Variants in RGS7BP observed in about 807,000 individuals in gnomAD.
RGS7BP encodes regulator of G protein signaling 7-binding protein.
RGS7BP carries 9 observed loss-of-function variants against 31.3 expected under a neutral mutation model. The observed-to-expected ratio is 0.29, with a 90% CI of 0.17 to 0.50. The LOEUF is 0.50. Ranked by LOEUF, RGS7BP falls within the 20% of genes least tolerant of loss-of-function variation. The probability of loss-of-function intolerance (pLI) is 0.98; values close to 1 mark genes in which losing one functional copy is unlikely to be tolerated. For synonymous variants in RGS7BP, 115 were observed against 120.1 expected, an observed-to-expected ratio of 0.96 and a Z score of 0.28; for missense variants, 274 against 322.0, an observed-to-expected ratio of 0.85 and a Z score of 1.14.
intron 3 of RGS7BP, 103 bp downstream of exon 3, chr5:64,576,007 A>G: frequency 1.0e-6 from 1 of 961,956 alleles, no homozygotes; most frequent in Non-Finnish European, 1.5e-6. Context: ...ATCTATATGC[A>G]ATTACGATGA....
chr5:64,510,740 C>T (rs748410649), intron 2 of RGS7BP, among the ~76,000 whole-genome samples: 13 of 152,114 alleles, frequency 8.5e-5, no homozygotes, highest in African/African-American at 2.7e-4. Flanking sequence ...TCATCATCAC[C>T]GTGATTAACA....
chr5:64,590,269 G>A (rs950637781), intron 3 of RGS7BP, among the ~76,000 whole-genome samples: 11 of 151,562 alleles, frequency 7.3e-5, no homozygotes, highest in South Asian at 2.1e-4. Context: ...ATCTATTTTC[G>A]GTCATATAAA....
chr5:64,608,203 T>C (rs909452887), intron 5 of RGS7BP, among the ~76,000 whole-genome samples: 4 of 152,196 alleles, frequency 2.6e-5, no homozygotes, highest in Admixed American at 6.6e-5. Flanking sequence ...TGGAAAATTC[T>C]AGATTATCCC....
Position 64,506,727 on chromosome 5 carries a change from C to T in RGS7BP, c.103C>T (p.Arg35Cys), listed in dbSNP as rs771054378. Residue 35 changes from arginine to cysteine, a missense_variant, in exon 1 of 6, where the codon CGC (arginine) becomes TGC (cysteine). Physicochemically the swap from Arg to Cys is radical, Grantham distance 180. Around this residue, in one of 3 missense-constraint regions of RGS7BP, gnomAD observed 149 missense variants for 152.6 expected, o/e 0.98. Coordinates refer to ENST00000334025, the MANE Select transcript of RGS7BP (RefSeq NM_001029875.3). This position sits in a 1 kb window ranked among gnomAD's most constrained non-coding sequence, Gnocchi z 4.6. The part of the protein sequence containing the change: ...KPPLQSGDWE[R>C]RGSGSESAHK... ...CCCGCTGCAGAGCGGAGATTGGGAG[C>T]GCAGGGGCAGCGGCTCCGAGAGCGC... is the stretch of plus-strand genomic sequence containing the variant. The T allele has an allele frequency of 3.1e-6, 5 of 1,608,166 alleles. No homozygotes were observed. Among genetic ancestry groups the T allele is most frequent in the Non-Finnish European group, 4.3e-6 (5 of 1,175,232 alleles).
At chr5:64,558,021 C>A (rs1392854201) in intron 2 of RGS7BP, among the ~76,000 whole-genome samples, 4 of 152,082 alleles carry the variant, frequency 2.6e-5, no homozygotes, top group Admixed American at 2.6e-4. Flanking sequence ...TCTGAATGCA[C>A]ACCCTCCAGG....
intron 2 of RGS7BP, among the ~76,000 whole-genome samples, chr5:64,533,333 C>T (rs1749420447): frequency 6.6e-6 from 1 of 152,176 alleles, no homozygotes; most frequent in African/African-American, 2.4e-5. Flanking sequence ...GCTTTGAAGA[C>T]TCTAATGCTA....
chr5:64,603,818 G>T (rs1482794997), intron 5 of RGS7BP, among the ~76,000 whole-genome samples: 1 of 152,134 alleles, frequency 6.6e-6, no homozygotes, highest in Non-Finnish European at 1.5e-5. Context: ...GTTGCTTACA[G>T]AGCGGTGGGA....
At position 64,513,437 on chromosome 5, in the gene RGS7BP, C is replaced by T. The variant is rs201113094; in HGVS notation, c.332+5560C>T. 2.6e-5 allele frequency among the ~76,000 whole-genome samples: 4 copies of T among 152,016 alleles called. No individual in the cohort carries two copies. In the East Asian group the frequency reaches 5.8e-4, roughly 22 times the overall value. On this transcript the variant is annotated intron_variant, in intron 2 of 5. Coordinates refer to ENST00000334025, the MANE Select transcript of RGS7BP (RefSeq NM_001029875.3). ...TTTAATTTTTTTGCCCTGATTTTTTCGCCCTGATTTTTTCAGTCCCACTTC... is the reference window on the plus strand; with the variant it reads ...TTTAATTTTTTTGCCCTGATTTTTTTGCCCTGATTTTTTCAGTCCCACTTC...
intron 2 of RGS7BP, among the ~76,000 whole-genome samples, chr5:64,533,844 A>G (rs996771999): frequency 4.6e-5 from 7 of 152,202 alleles, no homozygotes; most frequent in Non-Finnish European, 8.8e-5. Context: ...TTCCTTCAAC[A>G]AAGATGTATT....
intron 3 of RGS7BP, among the ~76,000 whole-genome samples, chr5:64,583,657 T>C (rs1742663625): frequency 1.3e-5 from 2 of 152,188 alleles, no homozygotes; most frequent in Non-Finnish European, 1.5e-5. Context: ...CAAAGTTCTC[T>C]AAGGAGATAA....
chr5:64,565,461 G>A (rs115382875), intron 2 of RGS7BP, among the ~76,000 whole-genome samples: 28 of 151,640 alleles, frequency 1.8e-4, no homozygotes, highest in African/African-American at 6.1e-4. Flanking sequence ...CCCTTTCTAC[G>A]TATCTGCATA....
intron 3 of RGS7BP, among the ~76,000 whole-genome samples, chr5:64,584,513 C>G (rs1319938564): frequency 1.3e-5 from 2 of 152,190 alleles, no homozygotes; most frequent in African/African-American, 4.8e-5. Flanking sequence ...CTGTGCTGCT[C>G]TATGTTAGGG....
chr5:64,564,377 T>C lies in RGS7BP; in HGVS notation c.333-11397T>C, dbSNP rs1009249668. ...CTTCTTGGTTAAGTGATAAACTGAA[T>C]TTTTGCTTCTTGGAATAAGATCAGA... On this transcript the variant is annotated intron_variant, in intron 2 of 5. Coordinates refer to ENST00000334025, the MANE Select transcript of RGS7BP (RefSeq NM_001029875.3). Among the ~76,000 whole-genome samples, 9 of 152,172 alleles carry C rather than the reference T, an allele frequency of 5.9e-5. No individual in the cohort carries two copies. In the East Asian group the frequency reaches 1.7e-3, roughly 29 times the overall value.
chr5:64,532,655 GA>G (rs922316756), intron 2 of RGS7BP, among the ~76,000 whole-genome samples: 5 of 152,076 alleles, frequency 3.3e-5, no homozygotes, highest in African/African-American at 1.2e-4. Flanking sequence ...TATAAATAAT[GA>G]AACAAAAGTT....
At chr5:64,570,534 T>C (rs540297156) in intron 2 of RGS7BP, among the ~76,000 whole-genome samples, 14 of 152,216 alleles carry the variant, frequency 9.2e-5, no homozygotes, top group East Asian at 3.9e-4. Flanking sequence ...ATAACAAACA[T>C]TTTGCTGTTT....
intron 2 of RGS7BP, among the ~76,000 whole-genome samples, chr5:64,532,249 A>G (rs879387761): frequency 1.3e-5 from 2 of 152,176 alleles, no homozygotes; most frequent in African/African-American, 2.4e-5. Context: ...ATCATTGCTT[A>G]AATCTTTTTC....
At chr5:64,522,000 A>T (rs1749118196) in intron 2 of RGS7BP, among the ~76,000 whole-genome samples, 1 of 152,188 alleles carries the variant, frequency 6.6e-6, no homozygotes, top group Admixed American at 6.5e-5. Context: ...CTTCTACAAA[A>T]ATCTATTTGT....
At chr5:64,589,033 T>G (rs2111940825) in intron 3 of RGS7BP, among the ~76,000 whole-genome samples, 1 of 152,242 alleles carries the variant, frequency 6.6e-6, no homozygotes, top group South Asian at 2.1e-4. Context: ...CGGTGGCTCA[T>G]GCATGTAATC....
At chr5:64,606,838 C>T (rs1385817146) in intron 5 of RGS7BP, among the ~76,000 whole-genome samples, 1 of 152,104 alleles carries the variant, frequency 6.6e-6, no homozygotes, top group Non-Finnish European at 1.5e-5. Context: ...GAAAGATATC[C>T]TCTTTTTAAC....
Sources: allele counts gnomAD v4.1 joint callset (sites outside exome capture counted in the v4.1 genomes callset), GRCh38; gene constraint gnomAD v4.1.1; regional missense constraint gnomAD v4.1.1; non-coding constraint Gnocchi (gnomAD v3.1); transcripts MANE v1.5; gene names NCBI Gene and HGNC (gene_info 2026-07-23, HGNC 2026-07-21).